Variants in PRKCH observed in about 807,000 individuals in gnomAD.
The protein encoded by PRKCH is protein kinase C eta type.
In PRKCH, 28 loss-of-function variants were observed where a neutral mutation model predicts 82.5. That is an observed-to-expected ratio of 0.34 (90% CI 0.25 to 0.47). The LOEUF (loss-of-function observed/expected upper bound fraction) is 0.47, where lower values mean the gene tolerates loss of function less well. PRKCH is among the 20% of genes least tolerant of loss of function. The pLI is 1.00. For synonymous variants in PRKCH, 322 were observed against 327.4 expected (o/e 0.98, Z 0.18); for missense variants, 705 against 881.8 (o/e 0.80, Z 2.54).
chr14:61,429,124 G>T (rs1883268954), intron 2 of PRKCH, among the ~76,000 whole-genome samples: 1 of 152,184 alleles, frequency 6.6e-6, no homozygotes. Context: ...GTTTCTGTTG[G>T]TCTGGAGAAT....
At chr14:61,506,217 A>G (rs555945474) in intron 10 of PRKCH, among the ~76,000 whole-genome samples, 2 of 152,318 alleles carry the variant, frequency 1.3e-5, no homozygotes, top group East Asian at 3.9e-4. Flanking sequence ...GATGACAGAA[A>G]TACTGTGCTC....
chr14:61,196,653 G>T (rs1324980473), intron 1 of PRKCH, among the ~76,000 whole-genome samples: 1 of 152,136 alleles, frequency 6.6e-6, no homozygotes, highest in East Asian at 1.9e-4. Context: ...GAAGGTGAAA[G>T]CCCCTTTCCA....
chr14:61,503,810 G>A (rs1185708184), intron 10 of PRKCH, among the ~76,000 whole-genome samples: 3 of 152,060 alleles, frequency 2.0e-5, no homozygotes, highest in African/African-American at 4.8e-5. Context: ...AGGTAGAGTC[G>A]AGGGCTTACC....
intron 3 of PRKCH, 54 bp from the exon 4 acceptor site, chr14:61,445,638 A>G: frequency 6.7e-7 from 1 of 1,503,114 alleles, no homozygotes; most frequent in Non-Finnish European, 9.3e-7. Flanking sequence ...TAAGGACTAT[A>G]AGAGGGTTAT....
At chr14:61,413,416 C>CCCCCCCCCT (rs1882384536) in intron 2 of PRKCH, among the ~76,000 whole-genome samples, 2 of 106,678 alleles carry the variant, frequency 1.9e-5, no homozygotes, top group Non-Finnish European at 4.1e-5. Flanking sequence ...CCCCCCCCGC[C>CCCCCCCCCT]CCGCCCATGT....
At chr14:61,537,374 G>A (rs1400117500) in intron 12 of PRKCH, 1 of 152,148 alleles carries the variant, frequency 6.6e-6, no homozygotes, top group Non-Finnish European at 1.5e-5. Flanking sequence ...ACTTGGTTTG[G>A]GAATATATAC....
Position 61,452,505 on chromosome 14 carries a change from T to A in PRKCH, c.833-721T>A, listed in dbSNP as rs145388054. ...TTATTCCAGCTGATAACGCCTCAGA[T>A]CCTTCATTGTCCCCAGGCAGCTTCC... On this transcript the variant is annotated intron_variant, in intron 6 of 13. Coordinates refer to ENST00000332981, the MANE Select transcript of PRKCH (RefSeq NM_006255.5). Among the ~76,000 whole-genome samples the A allele has an allele frequency of 2.0e-3, 304 of 152,310 alleles. 2 individuals are homozygous for A. Among genetic ancestry groups the A allele is most frequent in the African/African-American group, 7.2e-3 (299 of 41,568 alleles).
chr14:61,495,887 G>A (rs1886648666), intron 10 of PRKCH, among the ~76,000 whole-genome samples: 1 of 152,170 alleles, frequency 6.6e-6, no homozygotes, highest in Non-Finnish European at 1.5e-5. Context: ...AAAAAACTTG[G>A]TAGGAGCAAT....
In PRKCH at chr14:61,530,547, G is replaced by T. The variant is rs772607939; in HGVS notation, c.1713G>T (p.Val571=). Residue 571 remains valine, a synonymous_variant, in exon 12 of 14, where the codon GTG becomes GTT. Transcript: ENST00000332981. ...TTGAGGCCATACTGAATGATGAGGTGGTCTACCCTACCTGGCTCCATGAAG... is the reference window on the plus strand; with the variant it reads ...TTGAGGCCATACTGAATGATGAGGTTGTCTACCCTACCTGGCTCCATGAAG... ...DLFEAILNDE[V]VYPTWLHEDA... 6.2e-7 allele frequency: 1 copy of T among 1,609,962 alleles called. No individual in the cohort carries two copies. Among genetic ancestry groups the T allele is most frequent in the Admixed American group, 1.7e-5 (1 of 59,302 alleles).
intron 1 of PRKCH, among the ~76,000 whole-genome samples, chr14:61,188,343 G>C (rs2044378765): frequency 6.6e-6 from 1 of 152,154 alleles, no homozygotes; most frequent in Non-Finnish European, 1.5e-5. Context: ...GAGGATGCAG[G>C]CTCAGCTTCT....
intron 2 of PRKCH, among the ~76,000 whole-genome samples, chr14:61,433,043 C>CAAA (rs34477992): frequency 5.0e-4 from 56 of 110,962 alleles, no homozygotes; most frequent in African/African-American, 1.9e-3. Flanking sequence ...CCAACCTCTT[C>CAAA]AAAAAAAAAA....
intron 1 of PRKCH, among the ~76,000 whole-genome samples, chr14:61,286,232 A>C (rs1180645144): frequency 6.6e-6 from 1 of 152,246 alleles, no homozygotes; most frequent in African/African-American, 2.4e-5. Flanking sequence ...AATCAAATTA[A>C]ATTGCTTCAT....
At chr14:61,471,231 A>G (rs1885489057) in intron 9 of PRKCH, among the ~76,000 whole-genome samples, 1 of 149,622 alleles carries the variant, frequency 6.7e-6, no homozygotes, top group Admixed American at 6.7e-5. Flanking sequence ...TCAAGGAAAC[A>G]CTAAGGAGGT....
intron 1 of PRKCH, among the ~76,000 whole-genome samples, chr14:61,360,806 A>G (rs568767440): frequency 1.3e-5 from 2 of 152,336 alleles, no homozygotes; most frequent in African/African-American, 4.8e-5. Flanking sequence ...AGTTCTAGCT[A>G]TCTGGTAATA....
chr14:61,207,897 C>T (rs923117552), intron 1 of PRKCH, among the ~76,000 whole-genome samples: 12 of 152,300 alleles, frequency 7.9e-5, no homozygotes, highest in East Asian at 3.9e-4. Flanking sequence ...CTGCCTGGCC[C>T]GGCAGCGAAG....
At chr14:61,297,650 G>A (rs967936845) in intron 1 of PRKCH, among the ~76,000 whole-genome samples, 9 of 152,130 alleles carry the variant, frequency 5.9e-5, no homozygotes, top group Admixed American at 3.9e-4. Flanking sequence ...CCTTAAATCC[G>A]CTGTTCAGGA....
At chr14:61,508,162 A>T (rs566044152) in intron 10 of PRKCH, among the ~76,000 whole-genome samples, 2 of 152,094 alleles carry the variant, frequency 1.3e-5, no homozygotes, top group Admixed American at 6.5e-5. Flanking sequence ...GGCAATTGAC[A>T]TGGCAATTGA....
chr14:61,399,763 T>C (rs56781220), intron 2 of PRKCH, among the ~76,000 whole-genome samples: 6,021 of 152,264 alleles, frequency 0.04, 368 homozygotes, highest in African/African-American at 0.13. Context: ...TTAGTGTACT[T>C]GTTTCTTCCC....
intron 12 of PRKCH, among the ~76,000 whole-genome samples, chr14:61,535,987 G>C (rs556616941): frequency 1.3e-5 from 2 of 152,250 alleles, no homozygotes; most frequent in Non-Finnish European, 2.9e-5. Context: ...AGCTCAGCGT[G>C]TGTGTATGAA....
Sources: gnomAD v4.1 joint callset for allele counts (sites outside exome capture counted in the v4.1 genomes callset) on GRCh38, gnomAD v4.1.1 for gene constraint, MANE v1.5 for transcripts, NCBI Gene and HGNC (gene_info 2026-07-23, HGNC 2026-07-21) for gene names.